The following FAM131B variants were observed in gnomAD, a reference collection of about 807,000 sequenced individuals.
The protein encoded by FAM131B is family with sequence similarity 131 member B, also known as protein FAM131B.
Under a neutral mutation model 42.0 loss-of-function variants are expected in FAM131B, and 19 were observed. The observed-to-expected ratio is 0.45, with a 90% confidence interval of 0.32 to 0.66. The LOEUF is 0.66. Ranked by LOEUF, FAM131B falls within the 30% of genes least tolerant of loss-of-function variation. FAM131B has a pLI of 0.05. For synonymous variants in FAM131B, 183 were observed against 177.6 expected, an observed-to-expected ratio of 1.03 and a Z score of -0.24; for missense variants, 370 against 468.4, an observed-to-expected ratio of 0.79 and a Z score of 1.94.
chr7:143,380,719 C>T, the FAM131B span: 79 of 985,446 alleles, frequency 8.0e-5, no homozygotes, highest in South Asian at 9.4e-4. This position sits in a 1 kb window ranked among gnomAD's most constrained non-coding sequence, Gnocchi z 5.0. Context: ...TCACACACCC[C>T]CTCCGGGCAC....
chr7:143,363,307 G>T (rs57806042), upstream of FAM131B, among the ~76,000 whole-genome samples: 39 of 152,254 alleles, frequency 2.6e-4, no homozygotes, highest in East Asian at 7.6e-3. Flanking sequence ...GTGCTCGCTG[G>T]ACATTCAGGG....
chr7:143,360,969 C>G (rs921302877), intron 1 of FAM131B: 5 of 152,168 alleles, frequency 3.3e-5, no homozygotes, highest in Middle Eastern at 6.8e-3. Flanking sequence ...AGGATGGTGC[C>G]GCGGAGAGTC....
chr7:143,359,531 A>T lies in FAM131B; in HGVS notation c.175-112T>A, dbSNP rs1349224496. The T allele has an allele frequency of 1.0e-6, 1 of 993,756 alleles. No individual in the cohort carries two copies. The highest frequency in any genetic ancestry group is 1.6e-5 in the African/African-American group (1 of 62,974). The allele number at this position is 993,756 out of a possible 1,614,324, so 61.6% of individuals were successfully genotyped here. ...AAAAGCATTCGAGCTAGGGCAGATG[A>T]TAAGAAAAGCTACTATACCCAAGAG... On this transcript the variant is annotated intron_variant, in intron 3 of 6. Transcript: ENST00000443739. The surrounding 1 kb of genome is among the most constrained non-coding windows in gnomAD (Gnocchi z 5.4).
chr7:143,363,679 A>G (rs1001886514), upstream of FAM131B, among the ~76,000 whole-genome samples: 4 of 152,206 alleles, frequency 2.6e-5, no homozygotes, highest in African/African-American at 9.6e-5. Context: ...AGAAAGGGCA[A>G]GGAGACCCTT....
rs754622371 is a variant in FAM131B at position 143,353,494 on chromosome 7, A to C, written c.*3056T>G. ...TTCCCCAGGCCAAGAGAGATGCTGA[A>C]GCCTGGGTGGGGGACTGGCAGTGGG... On this transcript the variant is annotated 3_prime_UTR_variant, in exon 7 of 7. Transcript: ENST00000443739. 1 of 152,238 alleles carries C rather than the reference A, an allele frequency of 6.6e-6. No individual in the cohort carries two copies. Among genetic ancestry groups the C allele is most frequent in the Non-Finnish European group, 1.5e-5 (1 of 68,048 alleles). The allele number at this position is 152,238 out of a possible 1,614,324, so 9.4% of individuals were successfully genotyped here. A position where few individuals can be genotyped will look rare whatever the true frequency, so the allele number is the denominator to read the frequency against.
chr7:143,357,295 G>A lies in FAM131B; in HGVS notation c.595C>T (p.Leu199=), dbSNP rs1385759262. ...CATCTCTCACCCTGACTGTCCATCA[G>A]TTCCTGGTAGTTGTCACTGTAGTTG... ...GCNYSDNYQE[L]MDSQDALAQA... The change falls in exon 6 of 7, where the codon CTG becomes TTG. Residue 199 remains leucine, a synonymous_variant. Transcript: ENST00000443739. 1 of 1,614,086 alleles carries A rather than the reference G, an allele frequency of 6.2e-7. No individual in the cohort carries two copies. The highest frequency in any genetic ancestry group is 8.5e-7 in the Non-Finnish European group (1 of 1,180,026).
At chr7:143,377,887 T>C in the FAM131B span, among the ~76,000 whole-genome samples, 1 of 152,144 alleles carries the variant, frequency 6.6e-6, no homozygotes, top group East Asian at 1.9e-4. Context: ...CTAATTTTTG[T>C]ATTTTTAGTA....
Position 143,356,557 on chromosome 7 carries a change from T to C in FAM131B, c.1076A>G (p.Asn359Ser). 1 of 1,610,878 alleles carries C rather than the reference T, an allele frequency of 6.2e-7. No homozygotes were observed. Among genetic ancestry groups the C allele is most frequent in the Non-Finnish European group, 8.5e-7 (1 of 1,177,494 alleles). ...GGGCATTGGGGGAGGAAACTAGTTGTTGGCCTCGCCTTCCTCCTCATCAAA... is the reference window on the plus strand; with the variant it reads ...GGGCATTGGGGGAGGAAACTAGTTGCTGGCCTCGCCTTCCTCCTCATCAAA... ...QSFDEEEGEA[N>S]N The change falls in exon 7 of 7, where the codon AAC (asparagine) becomes AGC (serine). Residue 359 changes from asparagine to serine, a missense_variant. By Grantham distance (46) the Asn-to-Ser change is conservative. Transcript: ENST00000443739. This position sits in a 1 kb window ranked among gnomAD's most constrained non-coding sequence, Gnocchi z 4.4.
At chr7:143,380,468 C>A in the FAM131B span, 1 of 985,328 alleles carries the variant, frequency 1.0e-6, no homozygotes, top group Non-Finnish European at 1.2e-6. The surrounding 1 kb of genome is among the most constrained non-coding windows in gnomAD (Gnocchi z 5.0). Flanking sequence ...TCGTGGTGGG[C>A]GTTGAAGGGC....
chr7:143,356,468 T>G lies in FAM131B; in HGVS notation c.*82A>C, dbSNP rs111232088. On this transcript the variant is annotated 3_prime_UTR_variant, in exon 7 of 7. Coordinates refer to ENST00000443739, the MANE Select transcript of FAM131B (RefSeq NM_001031690.3). The surrounding 1 kb of genome is among the most constrained non-coding windows in gnomAD (Gnocchi z 4.4). ...CCAATGTTGTCTGCCCAGTTTCAGC[T>G]GTACTGCTGGGGGGAGGGAGGGTAT... 6.6e-4 allele frequency: 685 copies of G among 1,041,548 alleles called. 7 individuals are homozygous for G. In the African/African-American group the frequency reaches 8.8e-3, roughly 13 times the overall value. 64.5% of individuals were successfully genotyped at this position (1,041,548 alleles called of 1,614,324 possible).
At chr7:143,369,434 G>A in the FAM131B span, among the ~76,000 whole-genome samples, 1 of 152,128 alleles carries the variant, frequency 6.6e-6, no homozygotes, top group Admixed American at 6.5e-5. Flanking sequence ...CAGCACTTTG[G>A]GAGGCCGAGG....
chr7:143,377,439 G>A, the FAM131B span, among the ~76,000 whole-genome samples: 2 of 152,194 alleles, frequency 1.3e-5, no homozygotes, highest in African/African-American at 4.8e-5. Context: ...TATAAAGTAG[G>A]GGTGTTGGGG....
Position 143,362,624 on chromosome 7 carries a change from C to T in FAM131B, c.-21G>A. On this transcript the variant is annotated 5_prime_UTR_variant, in exon 1 of 7. Coordinates refer to ENST00000443739, the MANE Select transcript of FAM131B (RefSeq NM_001031690.3). The surrounding 1 kb of genome is among the most constrained non-coding windows in gnomAD (Gnocchi z 7.7). ...CCCATGGCTCCGGGGGCCGCAGAGCCGGGCCCTCACCGACTCGGGGCGCGC... is the reference window on the plus strand; with the variant it reads ...CCCATGGCTCCGGGGGCCGCAGAGCTGGGCCCTCACCGACTCGGGGCGCGC... The T allele has an allele frequency of 6.7e-6, 8 of 1,193,892 alleles. No individual in the cohort carries two copies. Among genetic ancestry groups the T allele is most frequent in the Non-Finnish European group, 7.3e-6 (7 of 963,896 alleles). 74.0% of individuals were successfully genotyped at this position (1,193,892 alleles called of 1,614,324 possible). A position where few individuals can be genotyped will look rare whatever the true frequency, so the allele number is the denominator to read the frequency against.
intron 1 of FAM131B, chr7:143,360,566 C>T (rs578169144): frequency 8.3e-5 from 20 of 239,780 alleles, no homozygotes; most frequent in African/African-American, 1.4e-4. Context: ...GTGTCTCCCC[C>T]GGTGGGCCCT....
chr7:143,360,420 A>T, intron 1 of FAM131B: 1 of 1,311,720 alleles, frequency 7.6e-7, no homozygotes, highest in Non-Finnish European at 9.8e-7. Flanking sequence ...GTTTTATCAG[A>T]AAACCAATTA....
At chr7:143,377,979 G>A in the FAM131B span, among the ~76,000 whole-genome samples, 2 of 152,194 alleles carry the variant, frequency 1.3e-5, no homozygotes, top group Non-Finnish European at 2.9e-5. Flanking sequence ...GCCTCCCAAA[G>A]TGCTGGGATT....
chr7:143,371,240 G>A, the FAM131B span, among the ~76,000 whole-genome samples: 1 of 152,122 alleles, frequency 6.6e-6, no homozygotes, highest in African/African-American at 2.4e-5. Flanking sequence ...CAACAATTAA[G>A]AGACTGAATT....
At chr7:143,380,952 C>G in the FAM131B span, 1 of 321,866 alleles carries the variant, frequency 3.1e-6, no homozygotes, top group African/African-American at 2.2e-5. The surrounding 1 kb of genome is among the most constrained non-coding windows in gnomAD (Gnocchi z 5.0). Flanking sequence ...CGGCGGCACC[C>G]GCCCCACCTC....
In FAM131B at chr7:143,360,120, C is replaced by T; in HGVS notation, c.58G>A (p.Gly20Ser). ...GNEVIAVDWK[G>S]LKDVDQINMD... is the part of the protein sequence containing the mutation. ...TTGATTTGATCGACATCCTTCAGGC[C>T]CTTCCAATCCACTGCAATCACCTCA... is the stretch of plus-strand genomic sequence containing the variant. The change falls in exon 2 of 7, where the codon GGC becomes AGC. Residue 20 changes from glycine (G) to serine (S), a missense_variant. Gly to Ser is a moderately conservative substitution (Grantham distance 56). Transcript: ENST00000443739. The T allele has an allele frequency of 6.2e-7, 1 of 1,613,810 alleles. No individual in the cohort carries two copies.
Sources: allele counts gnomAD v4.1 joint callset (sites outside exome capture counted in the v4.1 genomes callset), GRCh38; gene constraint gnomAD v4.1.1; non-coding constraint Gnocchi (gnomAD v3.1); transcripts MANE v1.5; gene names NCBI Gene and HGNC (gene_info 2026-07-23, HGNC 2026-07-21).